The following AKAP6 variants were observed in gnomAD, a reference collection of about 807,000 sequenced individuals.
AKAP6 encodes A-kinase anchoring protein 6.
Under a neutral mutation model 188.5 loss-of-function variants are expected in AKAP6, and 58 were observed. The ratio of observed to expected loss-of-function variants is 0.31; its 90% CI spans 0.25 to 0.38. AKAP6 has a LOEUF of 0.38. Ranked by LOEUF, AKAP6 falls within the 10% of genes least tolerant of loss-of-function variation. The pLI, the probability that AKAP6 is intolerant of heterozygous loss-of-function variation, is 1.00. For synonymous variants in AKAP6, 989 were observed against 998.6 expected (o/e 0.99, Z 0.18); for missense variants, 2,710 against 2,740.0 (o/e 0.99, Z 0.24).
intron 5 of AKAP6, among the ~76,000 whole-genome samples, chr14:32,586,435 C>T (rs972906769): frequency 2.6e-5 from 4 of 152,124 alleles, no homozygotes; most frequent in African/African-American, 7.2e-5. Flanking sequence ...TGAGACCAAC[C>T]TGGCCAATAT....
intron 12 of AKAP6, among the ~76,000 whole-genome samples, chr14:32,808,057 G>A (rs2034134462): frequency 6.6e-6 from 1 of 152,212 alleles, no homozygotes; most frequent in South Asian, 2.1e-4. Flanking sequence ...TTAATTTGGT[G>A]TGGACTAAAA....
intron 4 of AKAP6, among the ~76,000 whole-genome samples, chr14:32,551,835 ATT>A (rs34909452): frequency 2.8e-5 from 4 of 141,864 alleles, no homozygotes; most frequent in East Asian, 4.2e-4. Flanking sequence ...AATTTTTTGT[ATT>A]TTTTTTTTTT....
At chr14:32,615,629 T>C (rs2139399360) in intron 7 of AKAP6, among the ~76,000 whole-genome samples, 1 of 140,774 alleles carries the variant, frequency 7.1e-6, no homozygotes, top group Admixed American at 7.1e-5. Flanking sequence ...AGAGTCTTGC[T>C]CTGTCACCCA....
intron 7 of AKAP6, among the ~76,000 whole-genome samples, chr14:32,652,790 T>C (rs890733726): frequency 3.3e-5 from 5 of 152,188 alleles, no homozygotes; most frequent in Admixed American, 3.3e-4. Context: ...CAGTGGCTCA[T>C]GCGTATAATC....
Position 32,769,037 on chromosome 14 carries a change from A to ATTTTTTTTTTTTTTTTTTTTTTTTT in AKAP6, c.3373-4638_3373-4614dup, listed in dbSNP as rs544997334. Among the ~76,000 whole-genome samples, 22 of 56,922 alleles carry ATTTTTTTTTTTTTTTTTTTTTTTTT rather than the reference A, an allele frequency of 3.9e-4. 8 individuals carry two copies. Among genetic ancestry groups the ATTTTTTTTTTTTTTTTTTTTTTTTT allele is most frequent in the East Asian group, 3.2e-3 (4 of 1,262 alleles). The allele number at this position is 56,922 out of a possible 152,430, so 37.3% of individuals were successfully genotyped here. A position where few individuals can be genotyped will look rare whatever the true frequency, so the allele number is the denominator to read the frequency against. On this transcript the variant is annotated intron_variant, in intron 11 of 13. Coordinates refer to ENST00000280979, the MANE Select transcript of AKAP6 (RefSeq NM_004274.5). The stretch of plus-strand genomic sequence containing the variant: ...ACTAGGGGATGCAGCTGCTCTTTTG[A>ATTTTTTTTTTTTTTTTTTTTTTTTT]TTTTTTTTTTTTTTTTTTTTTTTTT...
intron 3 of AKAP6, among the ~76,000 whole-genome samples, chr14:32,540,578 C>T (rs1268194711): frequency 6.6e-6 from 1 of 152,070 alleles, no homozygotes; most frequent in Non-Finnish European, 1.5e-5. Flanking sequence ...GCTACAAGTA[C>T]TACACAATTA....
At chr14:32,430,661 C>T (rs1450837384) in intron 1 of AKAP6, among the ~76,000 whole-genome samples, 2 of 152,144 alleles carry the variant, frequency 1.3e-5, no homozygotes, top group Non-Finnish European at 2.9e-5. Flanking sequence ...AAGAGGGAAC[C>T]ACTGTGACAC....
At chr14:32,585,201 T>C (rs1436841274) in intron 5 of AKAP6, among the ~76,000 whole-genome samples, 1 of 152,204 alleles carries the variant, frequency 6.6e-6, no homozygotes, top group Non-Finnish European at 1.5e-5. Flanking sequence ...TCATCAAATG[T>C]AATCATTCAC....
At chr14:32,375,984 G>A (rs1888146615) in intron 1 of AKAP6, 1 of 152,166 alleles carries the variant, frequency 6.6e-6, no homozygotes, top group South Asian at 2.1e-4. Context: ...TTCTGCACAA[G>A]CTCAAACTGT....
chr14:32,674,875 G>A (rs1352497345), intron 7 of AKAP6, among the ~76,000 whole-genome samples: 1 of 152,138 alleles, frequency 6.6e-6, no homozygotes, highest in Non-Finnish European at 1.5e-5. Flanking sequence ...CAACACACCA[G>A]TGATGTCAAC....
intron 7 of AKAP6, among the ~76,000 whole-genome samples, chr14:32,641,889 T>C (rs527443692): frequency 1.5e-3 from 236 of 152,314 alleles, no homozygotes; most frequent in Admixed American, 2.7e-3. Flanking sequence ...AATATTCTTA[T>C]GCTAGAAGTT....
At chr14:32,454,422 C>T (rs909220072) in intron 2 of AKAP6, among the ~76,000 whole-genome samples, 7 of 152,134 alleles carry the variant, frequency 4.6e-5, no homozygotes, top group Non-Finnish European at 1.0e-4. Context: ...GCAAGGCTCG[C>T]AAGGTTTCTG....
chr14:32,648,008 C>T (rs1888055142), intron 7 of AKAP6, among the ~76,000 whole-genome samples: 2 of 152,016 alleles, frequency 1.3e-5, no homozygotes, highest in African/African-American at 4.8e-5. Flanking sequence ...AGGGCTTTAT[C>T]AAGAGTCTTT....
intron 5 of AKAP6, among the ~76,000 whole-genome samples, chr14:32,591,611 A>G (rs549487047): frequency 5.9e-5 from 9 of 151,648 alleles, no homozygotes; most frequent in Non-Finnish European, 1.0e-4. Context: ...CTCAGGAAGA[A>G]GGAGGATTTT....
intron 8 of AKAP6, among the ~76,000 whole-genome samples, chr14:32,682,995 C>CTTTTTTTTTTTTTTTTTTTGTTTTTT (rs71115090): frequency 3.5e-5 from 5 of 142,252 alleles, no homozygotes; most frequent in East Asian, 2.2e-4. Context: ...TTTTTTCTTC[C>CTTTTTTTTTTTTTTTTTTTGTTTTTT]TTTTTTTTTT....
intron 1 of AKAP6, among the ~76,000 whole-genome samples, chr14:32,357,479 G>A (rs1392449901): frequency 1.3e-5 from 2 of 152,062 alleles, no homozygotes; most frequent in Non-Finnish European, 2.9e-5. Flanking sequence ...AATGTTTATC[G>A]AGTTGAGGTT....
At chr14:32,407,454 G>A (rs928404632) in intron 1 of AKAP6, among the ~76,000 whole-genome samples, 1 of 152,294 alleles carries the variant, frequency 6.6e-6, no homozygotes, top group Non-Finnish European at 1.5e-5. Context: ...AGCCTCCACA[G>A]AGCAATGAGT....
At chr14:32,602,142 C>T (rs541075646) in intron 7 of AKAP6, among the ~76,000 whole-genome samples, 1 of 152,190 alleles carries the variant, frequency 6.6e-6, no homozygotes, top group African/African-American at 2.4e-5. Flanking sequence ...AAACTCGGAG[C>T]TATTTTAAGG....
chr14:32,367,228 A>G (rs1440185028), intron 1 of AKAP6, among the ~76,000 whole-genome samples: 1 of 152,186 alleles, frequency 6.6e-6, no homozygotes, highest in Non-Finnish European at 1.5e-5. Flanking sequence ...CCTCCAAAAC[A>G]TAGATCAGTG....
Sources: gnomAD v4.1 joint callset for allele counts (sites outside exome capture counted in the v4.1 genomes callset) on GRCh38, gnomAD v4.1.1 for gene constraint, MANE v1.5 for transcripts, NCBI Gene and HGNC (gene_info 2026-07-23, HGNC 2026-07-21) for gene names.